LMAN1L: variants seen among roughly 807,000 people sequenced by gnomAD.
The protein encoded by LMAN1L is lectin, mannose binding 1 like.
In LMAN1L, 60 loss-of-function variants were observed where a neutral mutation model predicts 58.3. That is an observed-to-expected ratio of 1.03 (90% CI 0.84 to 1.27). The LOEUF (loss-of-function observed/expected upper bound fraction) is 1.27. Ranked by LOEUF, LMAN1L falls within the 50% of genes most tolerant of loss-of-function variation. The pLI is 0.00. For missense variants in LMAN1L, 629 were observed against 674.0 expected (o/e 0.93, Z 0.74); for synonymous variants, 280 against 271.6 (o/e 1.03, Z -0.31).
intron 11 of LMAN1L, 144 bp downstream of exon 11, chr15:74,822,853 T>C: frequency 1.6e-6 from 1 of 635,632 alleles, no homozygotes; most frequent in Non-Finnish European, 2.8e-6. Flanking sequence ...TTAGGTTTGT[T>C]GAGTTGACTT....
chr15:74,816,753 C>T lies in LMAN1L; in HGVS notation c.497+63C>T, dbSNP rs182868784. The T allele has an allele frequency of 3.7e-3, 5,538 of 1,485,788 alleles. 30 individuals carry two copies. Among genetic ancestry groups the T allele is most frequent in the Non-Finnish European group, 3.6e-3 (3,940 of 1,087,604 alleles). 92.0% of individuals were successfully genotyped at this position (1,485,788 alleles called of 1,614,324 possible). On this transcript the variant is annotated intron_variant, in intron 4 of 13. Transcript: ENST00000309664. ...TTGCACTGGGAGGGGCCCATCCCCC[C>T]CATCCGAGCCCCTGCCCCAGCCTCC... is the stretch of plus-strand genomic sequence containing the variant.
chr15:74,814,648 C>T (rs1382571136), intron 1 of LMAN1L, among the ~76,000 whole-genome samples: 2 of 151,788 alleles, frequency 1.3e-5, no homozygotes, highest in Non-Finnish European at 2.9e-5. Flanking sequence ...GCTGGGATTA[C>T]AGGCGAGCCA....
In LMAN1L at chr15:74,818,789, G is replaced by A. The variant is rs368512497; in HGVS notation, c.569G>A (p.Arg190Gln). Residue 190 changes from arginine to glutamine, a missense_variant, in exon 5 of 14, where the codon CGG becomes CAG. Physicochemically the swap from Arg to Gln is conservative, Grantham distance 43 (BLOSUM62 1). Transcript: ENST00000309664. ...AACCGGCCACACCCCTTCAGAGCACGGATCACCTACTGGGGGCAGAGGCTG... is the reference window on the plus strand; with the variant it reads ...AACCGGCCACACCCCTTCAGAGCACAGATCACCTACTGGGGGCAGAGGCTG... ...FRNRPHPFRA[R>Q]ITYWGQRLRM... is the part of the protein sequence containing the mutation. 41 of 1,611,404 alleles carry A rather than the reference G, an allele frequency of 2.5e-5. No individual in the cohort carries two copies. In the African/African-American group the frequency reaches 3.3e-4, roughly 13 times the overall value.
chr15:74,820,999 G>T, intron 8 of LMAN1L, 76 bp from the exon 9 acceptor site: 1 of 1,466,326 alleles, frequency 6.8e-7, no homozygotes, highest in Non-Finnish European at 9.1e-7. Context: ...TCTCCAAGAA[G>T]CCACCCCAAA....
In LMAN1L at chr15:74,816,326, C is replaced by T. The variant is rs1029489043; in HGVS notation, c.330+15C>T. On this transcript the variant is annotated intron_variant, in intron 2 of 13. Coordinates refer to ENST00000309664, the MANE Select transcript of LMAN1L (RefSeq NM_021819.3). ...CCCAGGGCATGGTGAGTGTCCTCTC[C>T]CAGAGCTGACAGAGCGGGGTGGGTC... is the stretch of plus-strand genomic sequence containing the variant. 3 of 1,610,944 alleles carry T rather than the reference C, an allele frequency of 1.9e-6. No individual in the cohort carries two copies. The highest frequency in any genetic ancestry group is 1.3e-5 in the African/African-American group (1 of 74,902).
rs369851699 is a variant in LMAN1L, at chr15:74,819,100, G to A, written c.598-52G>A. 21 of 1,552,838 alleles carry A rather than the reference G, an allele frequency of 1.4e-5. No homozygotes were observed. In the African/African-American group the frequency reaches 2.6e-4, roughly 19 times the overall value. ...CCATCCCACGGCCAGGGGAGCCAGG[G>A]AGTCAGAGGTAGGGACACCCCCCCA... On this transcript the variant is annotated intron_variant, in intron 5 of 13. Transcript: ENST00000309664.
In LMAN1L at chr15:74,822,712, A is replaced by G. The variant is rs1262499101; in HGVS notation, c.1199+3A>G. On this transcript the variant is annotated splice_donor_region_variant and intron_variant, in intron 11 of 13. Coordinates refer to ENST00000309664, the MANE Select transcript of LMAN1L (RefSeq NM_021819.3). ...CTCCAGGCCCTGCAAGAGATGAGGTAAGGGACTGGGTGGGGACCCCTCCAC... is the reference window on the plus strand; with the variant it reads ...CTCCAGGCCCTGCAAGAGATGAGGTGAGGGACTGGGTGGGGACCCCTCCAC... 6.2e-7 allele frequency: 1 copy of G among 1,612,742 alleles called. No individual in the cohort carries two copies. Among genetic ancestry groups the G allele is most frequent in the Non-Finnish European group, 8.5e-7 (1 of 1,178,774 alleles).
chr15:74,819,092 G>A (rs1261509933), intron 5 of LMAN1L, 60 bp from the exon 6 acceptor site: 16 of 1,546,462 alleles, frequency 1.0e-5, no homozygotes, highest in Non-Finnish European at 1.4e-5. Flanking sequence ...ACGGCCAGGG[G>A]AGCCAGGGAG....
rs757863036 is a variant in LMAN1L at position 74,823,665 on chromosome 15, G to A, written c.1306G>A (p.Glu436Lys). 1.9e-5 allele frequency: 30 copies of A among 1,613,466 alleles called. No homozygotes were observed. Among genetic ancestry groups the A allele is most frequent in the Non-Finnish European group, 2.5e-5 (30 of 1,179,840 alleles). The change falls in exon 12 of 14, where the codon GAG (glutamate) becomes AAG (lysine). Residue 436 changes from glutamate (E) to lysine (K), a missense_variant. Glu to Lys is a moderately conservative substitution (Grantham distance 56). Coordinates refer to ENST00000309664, the MANE Select transcript of LMAN1L (RefSeq NM_021819.3). ...LDHILGLLQEELRGPAKAAAK... is the reference protein window; with the variant it reads ...LDHILGLLQEKLRGPAKAAAK... ...CCACATCCTGGGCCTCCTGCAGGAG[G>A]AGCTTCGGGGCCCGGCGGTGAGGGG... is the stretch of plus-strand genomic sequence containing the variant.
At chr15:74,817,635 C>T (rs1272134197) in intron 4 of LMAN1L, among the ~76,000 whole-genome samples, 3 of 152,192 alleles carry the variant, frequency 2.0e-5, no homozygotes, top group Non-Finnish European at 4.4e-5. Flanking sequence ...GGTCATCCGT[C>T]CTGAGTCAGC....
In LMAN1L at chr15:74,819,256, C is replaced by T. The variant is rs1234036257; in HGVS notation, c.702C>T (p.Ala234=). Residue 234 remains alanine, a synonymous_variant, in exon 6 of 14, where the codon GCC becomes GCT. Transcript: ENST00000309664. Reference sequence around the variant, plus strand: ...GAGGTTTCTTTGGGGTCTCAGCAGCCACCGGCACCCTGGCAGGTGAGGATC... The same window carrying T: ...GAGGTTTCTTTGGGGTCTCAGCAGCTACCGGCACCCTGGCAGGTGAGGATC... ...VPGGFFGVSA[A]TGTLADDHDV... is the part of the protein sequence containing the mutation. 1 of 1,614,150 alleles carries T rather than the reference C, an allele frequency of 6.2e-7. No individual in the cohort carries two copies. Among genetic ancestry groups the T allele is most frequent in the South Asian group, 1.1e-5 (1 of 91,078 alleles).
At position 74,824,232 on chromosome 15, in the gene LMAN1L, G is replaced by C. The variant is rs989476892; in HGVS notation, c.1324-119G>C. 33 of 941,232 alleles carry C rather than the reference G, an allele frequency of 3.5e-5. No individual in the cohort carries two copies. In the African/African-American group the frequency reaches 3.6e-4, roughly 10 times the overall value. 58.3% of individuals were successfully genotyped at this position (941,232 alleles called of 1,614,324 possible). ...CCCCCTCTCCAAGTTCCCTGGATGA[G>C]AGCCAGGACGCCCCAAGCCTGGGGA... On this transcript the variant is annotated intron_variant, in intron 12 of 13. Coordinates refer to ENST00000309664, the MANE Select transcript of LMAN1L (RefSeq NM_021819.3).
chr15:74,816,555 T>G (rs2063891815), intron 3 of LMAN1L, 21 bp downstream of exon 3: 2 of 1,577,580 alleles, frequency 1.3e-6, no homozygotes, highest in Non-Finnish European at 1.7e-6. Flanking sequence ...GTCTCCTGCC[T>G]GCCAGCCCGC....
rs778614158 is a variant in LMAN1L at position 74,820,784 on chromosome 15, C to T, written c.907+17C>T. ...AAGGAGAAGGTAGGGACCGAGAGAG[C>T]GGGCAGGTGGCGCCCATCTGAGTGT... On this transcript the variant is annotated intron_variant, in intron 8 of 13. Coordinates refer to ENST00000309664, the MANE Select transcript of LMAN1L (RefSeq NM_021819.3). 1.9e-5 allele frequency: 31 copies of T among 1,602,106 alleles called. No homozygotes were observed. The South Asian group carries it at 2.8e-4, about 14-fold the overall frequency.
rs771530530 is a variant in LMAN1L at position 74,822,654 on chromosome 15, G to T, written c.1144G>T (p.Val382Phe). ...TGCCCCTCTGCAGGACTCTGCCAAG[G>T]TCGGTGCCCTGCTCCATGGACAGTG... ...SMSLNKDSAK[V>F]GALLHGQWTL... The change falls in exon 11 of 14, where the codon GTC becomes TTC. Residue 382 changes from valine to phenylalanine, a missense_variant. Transcript: ENST00000309664. 8 of 1,614,062 alleles carry T rather than the reference G, an allele frequency of 5.0e-6. No individual in the cohort carries two copies. The Admixed American group carries it at 6.7e-5, about 13-fold the overall frequency.
At chr15:74,817,849 T>TA (rs1398197803) in intron 4 of LMAN1L, among the ~76,000 whole-genome samples, 2 of 151,630 alleles carry the variant, frequency 1.3e-5, no homozygotes, top group South Asian at 2.1e-4. Flanking sequence ...CTGTCTCTAC[T>TA]AAAAATTAAA....
chr15:74,820,728 G>C lies in LMAN1L; in HGVS notation c.868G>C (p.Asp290His). ...WARLGLGTRE[D>H]VTPKSDSEAQ... ...AAGGCTGGGCTTGGGCACCAGGGAG[G>C]ATGTAACTCCAAAATCAGACTCTGA... Residue 290 changes from aspartate (D) to histidine (H), a missense_variant, in exon 8 of 14, where the codon GAT (aspartate) becomes CAT (histidine). Asp to His is a moderately conservative substitution (Grantham distance 81, BLOSUM62 -1). This residue lies in a region of LMAN1L where 573 missense variants were observed against 597.3 expected (regional missense o/e 0.96). Transcript: ENST00000309664. The C allele has an allele frequency of 6.2e-7, 1 of 1,613,690 alleles. No homozygotes were observed. Among genetic ancestry groups the C allele is most frequent in the Non-Finnish European group, 8.5e-7 (1 of 1,179,954 alleles).
chr15:74,820,534 A>C (rs2063911521), intron 7 of LMAN1L, 101 bp from the exon 8 acceptor site: 3 of 1,489,302 alleles, frequency 2.0e-6, no homozygotes, highest in Non-Finnish European at 2.8e-6. Flanking sequence ...CCAGCTGGCC[A>C]GGGAGGAAGG....
At position 74,814,653 on chromosome 15, in the gene LMAN1L, G is replaced by A. The variant is rs551322617; in HGVS notation, c.176-1504G>A. 1.9e-3 allele frequency among the ~76,000 whole-genome samples: 287 copies of A among 151,798 alleles called. 1 individual carries two copies. Among genetic ancestry groups the A allele is most frequent in the Middle Eastern group, 3.4e-3 (1 of 294 alleles). On this transcript the variant is annotated intron_variant, in intron 1 of 13. Transcript: ENST00000309664. Reference sequence around the variant, plus strand: ...CTCCCAAAGTGCTGGGATTACAGGCGAGCCACCGCGCCCAGCCTAATTTTT... The same window carrying A: ...CTCCCAAAGTGCTGGGATTACAGGCAAGCCACCGCGCCCAGCCTAATTTTT...
Sources: allele counts gnomAD v4.1 joint callset (sites outside exome capture counted in the v4.1 genomes callset), GRCh38; gene constraint gnomAD v4.1.1; regional missense constraint gnomAD v4.1.1; transcripts MANE v1.5; gene names NCBI Gene and HGNC (gene_info 2026-07-23, HGNC 2026-07-21).